Variants in AP3B2 observed in about 807,000 individuals in gnomAD.
AP3B2 encodes adaptor related protein complex 3 subunit beta 2.
Under a neutral mutation model 126.9 loss-of-function variants are expected in AP3B2, and 50 were observed. The ratio of observed to expected loss-of-function variants is 0.39; its 90% CI spans 0.31 to 0.50. AP3B2 has a LOEUF of 0.50. AP3B2 is among the 20% of genes least tolerant of loss of function. AP3B2 has a pLI of 0.79. For missense variants in AP3B2, 1,177 were observed against 1,426.4 expected (o/e 0.83, Z 2.82); for synonymous variants, 541 against 565.0 (o/e 0.96, Z 0.60).
In AP3B2 at chr15:82,662,735, T is replaced by A. The variant is rs140282177; in HGVS notation, c.2792A>T (p.Lys931Ile). ...PIKGLHVGTPKLPAGISIQEF... is the reference protein window; with the variant it reads ...PIKGLHVGTPILPAGISIQEF... ...TTGGATGCTGATGCCAGCAGGCAGT[T>A]TGGGAGTGCCCACATGCAGGCCCTT... is the stretch of plus-strand genomic sequence containing the variant. Residue 931 changes from lysine (K) to isoleucine (I), a missense_variant, in exon 23 of 27, where the codon AAA becomes ATA. Physicochemically the swap from Lys to Ile is moderately radical, Grantham distance 102. Coordinates refer to ENST00000535359, the MANE Select transcript of AP3B2 (RefSeq NM_001278512.2). 6.2e-7 allele frequency: 1 copy of A among 1,613,840 alleles called. No individual in the cohort carries two copies. Among genetic ancestry groups the A allele is most frequent in the South Asian group, 1.1e-5 (1 of 91,018 alleles).
At position 82,663,782 on chromosome 15, in the gene AP3B2, T is replaced by G; in HGVS notation, c.2436+19A>C. On this transcript the variant is annotated intron_variant, in intron 20 of 26. Coordinates refer to ENST00000535359, the MANE Select transcript of AP3B2 (RefSeq NM_001278512.2). ...CCCTGGCCCATGAGCACACCCTGAC[T>G]CTGCCCCAAGGCTCTCACTGTTTTC... 3 of 1,608,090 alleles carry G rather than the reference T, an allele frequency of 1.9e-6. No individual in the cohort carries two copies. Among genetic ancestry groups the G allele is most frequent in the Non-Finnish European group, 2.6e-6 (3 of 1,176,314 alleles).
chr15:82,692,029 G>T, intron 1 of AP3B2: 2 of 1,472,568 alleles, frequency 1.4e-6, no homozygotes, highest in Non-Finnish European at 1.9e-6. Context: ...AGCTGCCTGA[G>T]GAAGTCCTGA....
In AP3B2 at chr15:82,664,774, TAGTC is replaced by T. The variant is rs771966960; in HGVS notation, c.2137+57_2137+60del. On this transcript the variant is annotated intron_variant, in intron 18 of 26. Coordinates refer to ENST00000535359, the MANE Select transcript of AP3B2 (RefSeq NM_001278512.2). The surrounding 1 kb of genome is among the most constrained non-coding windows in gnomAD (Gnocchi z 4.5). ...CAACCATATACATATACCCCTCATATAGTCAGTCACACAGATGCATGGGCAGAGC... is the reference window on the plus strand; with the variant it reads ...CAACCATATACATATACCCCTCATATAGTCACACAGATGCATGGGCAGAGC... 2.5e-5 allele frequency: 33 copies of T among 1,305,060 alleles called. No individual in the cohort carries two copies. The highest frequency in any genetic ancestry group is 6.0e-5 in the Admixed American group (3 of 49,920). The allele number at this position is 1,305,060 out of a possible 1,614,324, so 80.8% of individuals were successfully genotyped here.
chr15:82,684,107 A>G (rs1466510514), intron 4 of AP3B2, among the ~76,000 whole-genome samples: 1 of 152,194 alleles, frequency 6.6e-6, no homozygotes, highest in Non-Finnish European at 1.5e-5. Flanking sequence ...CTCAACTTAA[A>G]GTCACTAGCT....
intron 1 of AP3B2, among the ~76,000 whole-genome samples, chr15:82,695,608 C>T (rs2048618880): frequency 6.6e-6 from 1 of 152,050 alleles, no homozygotes; most frequent in African/African-American, 2.4e-5. Context: ...AGCTCTGCAC[C>T]CCTCCTTCCA....
chr15:82,666,783 G>A lies in AP3B2; in HGVS notation c.1816C>T (p.Pro606Ser). The A allele has an allele frequency of 1.2e-6, 2 of 1,613,990 alleles. No homozygotes were observed. Among genetic ancestry groups the A allele is most frequent in the Non-Finnish European group, 1.7e-6 (2 of 1,179,882 alleles). Residue 606 changes from proline (P) to serine (S), a missense_variant, in exon 15 of 27, where the codon CCC (proline) becomes TCC (serine). Pro to Ser is a moderately conservative substitution (Grantham distance 74). Around this residue, in one of 5 missense-constraint regions of AP3B2, gnomAD observed 308 missense variants for 452.4 expected, o/e 0.68. Coordinates refer to ENST00000535359, the MANE Select transcript of AP3B2 (RefSeq NM_001278512.2). ...SRHAKKLFLA[P>S]KPAPVLESSF... ...GACTCCAAGACTGGAGCTGGTTTGGGTGCCAGGAAGAGCTTCTTGGCATGG... is the reference window on the plus strand; with the variant it reads ...GACTCCAAGACTGGAGCTGGTTTGGATGCCAGGAAGAGCTTCTTGGCATGG...
At chr15:82,704,432 C>T (rs2048765643) in intron 1 of AP3B2, among the ~76,000 whole-genome samples, 1 of 152,182 alleles carries the variant, frequency 6.6e-6, no homozygotes, top group Non-Finnish European at 1.5e-5. Flanking sequence ...GTGAGAGAAA[C>T]CCCAGCCACA....
chr15:82,666,632 G>A, intron 15 of AP3B2, 115 bp downstream of exon 15: 1 of 1,180,336 alleles, frequency 8.5e-7, no homozygotes, highest in Non-Finnish European at 1.2e-6. Context: ...CAGGGAGCAG[G>A]ACTGTCCACA....
Position 82,680,654 on chromosome 15 carries a change from G to A in AP3B2, c.873C>T (p.Pro291=). Reference sequence around the variant, plus strand: ...GGTCCATGACATAGGGCTTTCGGGAGGGGGCGGCCGCGGCGGCCGTCTCCT... The same window carrying A: ...GGTCCATGACATAGGGCTTTCGGGAAGGGGCGGCCGCGGCGGCCGTCTCCT... ...GSEETAAAAA[P]SRKPYVMDPD... is the part of the protein sequence containing the mutation. The change falls in exon 8 of 27, where the codon CCC becomes CCT. Residue 291 remains proline, a synonymous_variant. Transcript: ENST00000535359. The surrounding 1 kb of genome is among the most constrained non-coding windows in gnomAD (Gnocchi z 6.1). The A allele has an allele frequency of 1.9e-6, 3 of 1,583,954 alleles. No individual in the cohort carries two copies. Among genetic ancestry groups the A allele is most frequent in the Non-Finnish European group, 1.7e-6 (2 of 1,169,894 alleles).
In AP3B2 at chr15:82,709,769, G is replaced by T; in HGVS notation, c.-63C>A. 7.5e-7 allele frequency: 1 copy of T among 1,341,726 alleles called. No homozygotes were observed. The highest frequency in any genetic ancestry group is 9.8e-7 in the Non-Finnish European group (1 of 1,018,992). 83.1% of individuals were successfully genotyped at this position (1,341,726 alleles called of 1,614,324 possible). On this transcript the variant is annotated 5_prime_UTR_variant, in exon 1 of 27. Transcript: ENST00000535359. ...GGGGCCGGAGGCCGGCTGGAGCGGA[G>T]GAAGGGAAGGCGGGCCGGTCCGGTC...
rs1256694921 is a variant in AP3B2 at position 82,680,704 on chromosome 15, C to T, written c.823G>A (p.Asp275Asn). The T allele has an allele frequency of 6.4e-7, 1 of 1,568,932 alleles. No individual in the cohort carries two copies. Among genetic ancestry groups the T allele is most frequent in the East Asian group, 2.3e-5 (1 of 44,428 alleles). Residue 275 changes from aspartate to asparagine, a missense_variant, in exon 8 of 27, where the codon GAC (aspartate) becomes AAC (asparagine). Asp to Asn is a conservative substitution (Grantham distance 23). Around this residue, in one of 5 missense-constraint regions of AP3B2, gnomAD observed 103 missense variants for 101.4 expected, o/e 1.02. Transcript: ENST00000535359. The surrounding 1 kb of genome is among the most constrained non-coding windows in gnomAD (Gnocchi z 6.1). The part of the protein sequence containing the change: ...AEKAFYGSEE[D>N]EAKGAGSEET... ...TCAGACCCCGCGCCCTTGGCCTCGT[C>T]CTCCTCTGAGCCGTAGAAGGCTTTT...
At chr15:82,700,397 CTTTT>C (rs1226910164) in intron 1 of AP3B2, among the ~76,000 whole-genome samples, 640 of 35,100 alleles carry the variant, frequency 0.018, 67 homozygotes, top group African/African-American at 0.059. Flanking sequence ...TGGTGGGTGG[CTTTT>C]TTTTTTTTTT....
intron 1 of AP3B2, among the ~76,000 whole-genome samples, chr15:82,696,033 A>G (rs2048624659): frequency 6.6e-6 from 1 of 152,174 alleles, no homozygotes; most frequent in Admixed American, 6.5e-5. Flanking sequence ...GTCTCTTACA[A>G]CCATCTTCTC....
Position 82,664,598 on chromosome 15 carries a change from T to C in AP3B2, c.2138-108A>G. 1.4e-6 allele frequency: 2 copies of C among 1,426,028 alleles called. No homozygotes were observed. Among genetic ancestry groups the C allele is most frequent in the Non-Finnish European group, 1.9e-6 (2 of 1,049,804 alleles). 88.3% of individuals were successfully genotyped at this position (1,426,028 alleles called of 1,614,324 possible). A position where few individuals can be genotyped will look rare whatever the true frequency, so the allele number is the denominator to read the frequency against. ...ATTCAGTACTGAACCCTCAAACCTCTCTGACCTGCCCCCAGCCCTACATGC... is the reference window on the plus strand; with the variant it reads ...ATTCAGTACTGAACCCTCAAACCTCCCTGACCTGCCCCCAGCCCTACATGC... On this transcript the variant is annotated intron_variant, in intron 18 of 26. Coordinates refer to ENST00000535359, the MANE Select transcript of AP3B2 (RefSeq NM_001278512.2). The surrounding 1 kb of genome is among the most constrained non-coding windows in gnomAD (Gnocchi z 4.5).
intron 1 of AP3B2, among the ~76,000 whole-genome samples, chr15:82,701,051 G>A (rs2048713498): frequency 6.6e-6 from 1 of 152,014 alleles, no homozygotes; most frequent in Non-Finnish European, 1.5e-5. Flanking sequence ...AGTAGAGACG[G>A]GGTTTTGACA....
chr15:82,702,604 C>A (rs372243627), intron 1 of AP3B2, among the ~76,000 whole-genome samples: 71 of 152,112 alleles, frequency 4.7e-4, no homozygotes, highest in Non-Finnish European at 8.1e-4. Context: ...AGGAACACCC[C>A]CCTTTGACTG....
intron 4 of AP3B2, among the ~76,000 whole-genome samples, chr15:82,682,472 A>G (rs1004461841): frequency 6.6e-6 from 1 of 152,190 alleles, no homozygotes; most frequent in African/African-American, 2.4e-5. Flanking sequence ...CAGCAGCTAT[A>G]TATTACAGGC....
At chr15:82,698,343 TACC>T (rs1488972377) in intron 1 of AP3B2, among the ~76,000 whole-genome samples, 1 of 151,300 alleles carries the variant, frequency 6.6e-6, no homozygotes, top group Non-Finnish European at 1.5e-5. Flanking sequence ...CCCAGACATA[TACC>T]ACCAGGAGAC....
chr15:82,674,480 CAG>C (rs912997080), intron 14 of AP3B2, among the ~76,000 whole-genome samples: 8 of 152,366 alleles, frequency 5.3e-5, no homozygotes, highest in East Asian at 3.9e-4. Context: ...GGTTCCCTGA[CAG>C]GGGTCATTCC....
Sources: allele counts gnomAD v4.1 joint callset (sites outside exome capture counted in the v4.1 genomes callset), GRCh38; gene constraint gnomAD v4.1.1; regional missense constraint gnomAD v4.1.1; non-coding constraint Gnocchi (gnomAD v3.1); transcripts MANE v1.5; gene names NCBI Gene and HGNC (gene_info 2026-07-23, HGNC 2026-07-21).